FOLH1: variants seen among roughly 807,000 people sequenced by gnomAD.
FOLH1 encodes glutamate carboxypeptidase 2.
A neutral mutation model predicts 93.9 loss-of-function variants in FOLH1; 54 were observed. The observed-to-expected ratio is 0.57, with a 90% CI of 0.46 to 0.72. The LOEUF (loss-of-function observed/expected upper bound fraction) is 0.72. Among genes scored for constraint, FOLH1 ranks in the 30% least tolerant of loss-of-function variants. The probability of loss-of-function intolerance (pLI) is 0.00; values close to 1 mark genes in which losing one functional copy is unlikely to be tolerated. For missense variants in FOLH1, 571 were observed against 892.5 expected (o/e 0.64, Z 4.59); for synonymous variants, 249 against 303.6 (o/e 0.82, Z 1.87).
At chr11:49,204,814 C>G (rs1418527240) in intron 2 of FOLH1, among the ~76,000 whole-genome samples, 2 of 152,090 alleles carry the variant, frequency 1.3e-5, no homozygotes, top group Admixed American at 1.3e-4. Context: ...CCTTTATTCA[C>G]CAGCGAATCC....
At chr11:49,169,307 C>T in intron 11 of FOLH1, 49 bp from the exon 12 acceptor site, 1 of 1,555,344 alleles carries the variant, frequency 6.4e-7, no homozygotes, top group Middle Eastern at 1.7e-4. Context: ...CCCACTCCCC[C>T]TCCCCCACAA....
At chr11:49,195,473 G>C (rs1862512434) in intron 3 of FOLH1, among the ~76,000 whole-genome samples, 2 of 152,090 alleles carry the variant, frequency 1.3e-5, no homozygotes, top group South Asian at 4.1e-4. Context: ...AAGAAAGACT[G>C]AATGTCAATA....
chr11:49,175,094 T>A (rs1240593462), intron 8 of FOLH1, 117 bp from the exon 9 acceptor site: 4 of 911,038 alleles, frequency 4.4e-6, no homozygotes, highest in Admixed American at 5.3e-5. Context: ...TAAAATAAAC[T>A]GAAAACTGAT....
Position 49,204,745 on chromosome 11 carries a change from T to A in FOLH1, c.224+1322A>T, listed in dbSNP as rs182426463. 3.6e-3 allele frequency among the ~76,000 whole-genome samples: 544 copies of A among 152,306 alleles called. 10 individuals are homozygous for A. The highest frequency in any genetic ancestry group is 0.024 in the Admixed American group (373 of 15,300). On this transcript the variant is annotated intron_variant, in intron 2 of 18. Coordinates refer to ENST00000256999, the MANE Select transcript of FOLH1 (RefSeq NM_004476.3). Reference sequence around the variant, plus strand: ...GTTTGTATGATTATATGTGTGCACATCTATGCATACCTATGTGCATGTGTG... The same window carrying A: ...GTTTGTATGATTATATGTGTGCACAACTATGCATACCTATGTGCATGTGTG...
In FOLH1 at chr11:49,145,120, T is replaced by C. The variant is rs1188498213; in HGVS notation, c.*1636A>G. 1.3e-5 allele frequency among the ~76,000 whole-genome samples: 2 copies of C among 152,184 alleles called. No individual in the cohort carries two copies. The highest frequency in any genetic ancestry group is 4.8e-5 in the African/African-American group (2 of 41,446). Reference sequence around the variant, plus strand: ...ACCAGCAGAAATAAATACATTTTATTATTCACCAGTTATCCAAATTTGGGT... The same window carrying C: ...ACCAGCAGAAATAAATACATTTTATCATTCACCAGTTATCCAAATTTGGGT... On this transcript the variant is annotated 3_prime_UTR_variant, in exon 19 of 19. Coordinates refer to ENST00000256999, the MANE Select transcript of FOLH1 (RefSeq NM_004476.3).
chr11:49,191,125 C>T (rs112022857), intron 4 of FOLH1, among the ~76,000 whole-genome samples: 1 of 152,166 alleles, frequency 6.6e-6, no homozygotes, highest in African/African-American at 2.4e-5. Context: ...CATTCTCCTG[C>T]CTCAGCCTCC....
At chr11:49,175,006 A>G in intron 8 of FOLH1, 29 bp from the exon 9 acceptor site, 9 of 1,599,906 alleles carry the variant, frequency 5.6e-6, no homozygotes, top group Admixed American at 1.7e-5. Flanking sequence ...ACATTCTTAA[A>G]AAAAAAAACT....
intron 3 of FOLH1, among the ~76,000 whole-genome samples, chr11:49,195,113 T>G (rs1862482991): frequency 6.6e-6 from 1 of 152,068 alleles, no homozygotes; most frequent in Admixed American, 6.5e-5. Flanking sequence ...CAAATACATG[T>G]TTTTCCCAAA....
chr11:49,199,079 A>C (rs552879702), intron 3 of FOLH1, among the ~76,000 whole-genome samples: 3 of 152,278 alleles, frequency 2.0e-5, no homozygotes, highest in African/African-American at 7.2e-5. Flanking sequence ...AGTCAATAAA[A>C]GGAGGTTATT....
chr11:49,175,477 T>C (rs1447883105), intron 8 of FOLH1, among the ~76,000 whole-genome samples: 2 of 152,184 alleles, frequency 1.3e-5, no homozygotes, highest in Non-Finnish European at 2.9e-5. Context: ...AGTCATTGTC[T>C]TCCTTCTGCA....
chr11:49,157,850 T>C, intron 14 of FOLH1, 102 bp downstream of exon 14: 3 of 1,150,414 alleles, frequency 2.6e-6, no homozygotes, highest in South Asian at 3.5e-5. Flanking sequence ...TTTTAGACCA[T>C]TTTGAAACTT....
At chr11:49,148,551 C>T (rs1856041986) in intron 18 of FOLH1, 88 bp downstream of exon 18, 4 of 992,720 alleles carry the variant, frequency 4.0e-6, no homozygotes, top group East Asian at 2.7e-5. Flanking sequence ...AAGAAATCAA[C>T]TACAATATTT....
intron 7 of FOLH1, among the ~76,000 whole-genome samples, chr11:49,176,667 C>T (rs1860079471): frequency 6.6e-6 from 1 of 151,898 alleles, no homozygotes; most frequent in Non-Finnish European, 1.5e-5. Context: ...TTTTACTAAA[C>T]AGCTACAGAG....
intron 4 of FOLH1, among the ~76,000 whole-genome samples, chr11:49,191,786 C>T (rs1026286072): frequency 6.6e-6 from 1 of 152,210 alleles, no homozygotes; most frequent in Non-Finnish European, 1.5e-5. Context: ...CAAGCTCCGC[C>T]TCCCGGGTTC....
chr11:49,200,199 T>C (rs914622828), intron 3 of FOLH1, 56 bp downstream of exon 3: 2 of 1,340,492 alleles, frequency 1.5e-6, no homozygotes, highest in African/African-American at 3.0e-5. Flanking sequence ...ATAGAAGGTA[T>C]TTGAAAAAGA....
intron 1 of FOLH1, 21 bp downstream of exon 1, chr11:49,208,271 C>T: frequency 2.7e-6 from 4 of 1,497,184 alleles, no homozygotes; most frequent in Non-Finnish European, 3.6e-6. Context: ...CCGAGGTTTG[C>T]TCCGCGAGGC....
chr11:49,203,025 CTTTTT>C (rs1207143658), intron 2 of FOLH1, among the ~76,000 whole-genome samples: 2 of 152,156 alleles, frequency 1.3e-5, no homozygotes, highest in Non-Finnish European at 2.9e-5. Context: ...CTTACCTTTT[CTTTTT>C]AACAAAATTT....
At chr11:49,167,046 C>A (rs74395783) in intron 12 of FOLH1, among the ~76,000 whole-genome samples, 11,555 of 149,688 alleles carry the variant, frequency 0.077, 482 homozygotes, top group Non-Finnish European at 0.096. Context: ...ACAACAACAA[C>A]AAAAAAAAAC....
At chr11:49,185,910 G>A in intron 5 of FOLH1, 55 bp from the exon 6 acceptor site, 1 of 1,492,334 alleles carries the variant, frequency 6.7e-7, no homozygotes, top group Non-Finnish European at 8.9e-7. Flanking sequence ...TCCAGATTCG[G>A]TAATATCAAT....
Sources: gnomAD v4.1 joint callset for allele counts (sites outside exome capture counted in the v4.1 genomes callset) on GRCh38, gnomAD v4.1.1 for gene constraint, MANE v1.5 for transcripts, NCBI Gene and HGNC (gene_info 2026-07-23, HGNC 2026-07-21) for gene names.